Variants in SPSB1 observed in about 807,000 individuals in gnomAD.
SPSB1 encodes SPRY domain-containing SOCS box protein 1.
In SPSB1, 8 loss-of-function variants were observed where a neutral mutation model predicts 21.2. The observed-to-expected ratio is 0.38, with a 90% CI of 0.22 to 0.68. SPSB1 has a LOEUF of 0.68. Ranked by LOEUF, SPSB1 falls within the 30% of genes least tolerant of loss-of-function variation. The pLI is 0.53. For missense variants in SPSB1, 242 were observed against 377.8 expected (o/e 0.64, Z 2.98); for synonymous variants, 169 against 161.7 (o/e 1.05, Z -0.34).
Position 9,367,386 on chromosome 1 carries a change from T to TA in SPSB1, c.695-61dup, listed in dbSNP as rs1175961585. Reference sequence around the variant, plus strand: ...TCAGTGATAATATTGCTGCTGTGGTTAGCGCTGTTTGCTGAACACCCACCC... The same window carrying TA: ...TCAGTGATAATATTGCTGCTGTGGTTAAGCGCTGTTTGCTGAACACCCACCC... On this transcript the variant is annotated intron_variant, in intron 2 of 2. Transcript: ENST00000328089. This position sits in a 1 kb window ranked among gnomAD's most constrained non-coding sequence, Gnocchi z 5.9. 1 of 1,610,400 alleles carries TA rather than the reference T, an allele frequency of 6.2e-7. No individual in the cohort carries two copies. The highest frequency in any genetic ancestry group is 8.5e-7 in the Non-Finnish European group (1 of 1,179,284).
intron 1 of SPSB1, among the ~76,000 whole-genome samples, chr1:9,328,751 C>CT (rs1240217683): frequency 6.6e-6 from 1 of 152,234 alleles, no homozygotes; most frequent in African/African-American, 2.4e-5. Context: ...TACCCTGCGT[C>CT]TTTTCACCTG....
chr1:9,311,257 A>G (rs1349669944), intron 1 of SPSB1, among the ~76,000 whole-genome samples: 2 of 150,790 alleles, frequency 1.3e-5, no homozygotes, highest in Non-Finnish European at 2.9e-5. Context: ...TGAGAGAGCT[A>G]TGCCCAGACA....
intron 1 of SPSB1, among the ~76,000 whole-genome samples, chr1:9,316,968 C>T (rs1273672969): frequency 6.6e-6 from 1 of 152,002 alleles, no homozygotes; most frequent in Non-Finnish European, 1.5e-5. Context: ...GATCCCAGGC[C>T]CCGTAGCAGG....
chr1:9,301,848 G>A (rs1639334847), intron 1 of SPSB1, among the ~76,000 whole-genome samples: 3 of 152,234 alleles, frequency 2.0e-5, no homozygotes, highest in Non-Finnish European at 4.4e-5. Flanking sequence ...ACTGCACCTG[G>A]TGGAAGGCAC....
At chr1:9,349,743 G>A (rs1278424670) in intron 1 of SPSB1, among the ~76,000 whole-genome samples, 1 of 152,370 alleles carries the variant, frequency 6.6e-6, no homozygotes, top group South Asian at 2.1e-4. Flanking sequence ...GTGTGAGGAA[G>A]GTCCTTTCGG....
intron 1 of SPSB1, among the ~76,000 whole-genome samples, chr1:9,328,067 C>T (rs1213924675): frequency 2.6e-5 from 4 of 152,196 alleles, no homozygotes; most frequent in Admixed American, 6.5e-5. Flanking sequence ...TCAGAGAGTT[C>T]GCTTAGCTGG....
chr1:9,295,700 G>A (rs1317697720), intron 1 of SPSB1, among the ~76,000 whole-genome samples: 1 of 152,190 alleles, frequency 6.6e-6, no homozygotes, highest in African/African-American at 2.4e-5. Context: ...TGTGTGCCGT[G>A]CTCCCTTCCT....
chr1:9,294,196 CTG>C (rs1404784301), intron 1 of SPSB1, among the ~76,000 whole-genome samples: 1 of 151,098 alleles, frequency 6.6e-6, no homozygotes, highest in Non-Finnish European at 1.5e-5. Flanking sequence ...ATGTGTGTCT[CTG>C]TGTCTTTGTG....
At chr1:9,307,059 C>T (rs992844619) in intron 1 of SPSB1, among the ~76,000 whole-genome samples, 10 of 152,018 alleles carry the variant, frequency 6.6e-5, no homozygotes, top group African/African-American at 1.9e-4. Context: ...TCCTGGGTAG[C>T]TGGGATTACA....
In SPSB1 at chr1:9,346,547, G is replaced by A. The variant is rs947669949; in HGVS notation, c.-149-9196G>A. Reference sequence around the variant, plus strand: ...GTAATTTTTAGAGGAAGCAAGGCTCGGGAACAATTGATCTGAAAGCATTTT... The same window carrying A: ...GTAATTTTTAGAGGAAGCAAGGCTCAGGAACAATTGATCTGAAAGCATTTT... On this transcript the variant is annotated intron_variant, in intron 1 of 2. Transcript: ENST00000328089. This position sits in a 1 kb window ranked among gnomAD's most constrained non-coding sequence, Gnocchi z 4.4. 1.3e-5 allele frequency among the ~76,000 whole-genome samples: 2 copies of A among 152,300 alleles called. No individual in the cohort carries two copies. The highest frequency in any genetic ancestry group is 2.1e-4 in the South Asian group (1 of 4,816).
rs1188911150 is a variant in SPSB1, at chr1:9,321,070, T to A, written c.-150+27999T>A. On this transcript the variant is annotated intron_variant, in intron 1 of 2. Coordinates refer to ENST00000328089, the MANE Select transcript of SPSB1 (RefSeq NM_025106.4). This position sits in a 1 kb window ranked among gnomAD's most constrained non-coding sequence, Gnocchi z 4.8. ...AAGGCAGCCGTGTAATTACAGGTAC[T>A]GGAAATAGTCCTGTTTCCCTTTCAG... Among the ~76,000 whole-genome samples, 1 of 152,222 alleles carries A rather than the reference T, an allele frequency of 6.6e-6. No individual in the cohort carries two copies. The highest frequency in any genetic ancestry group is 1.5e-5 in the Non-Finnish European group (1 of 68,050).
intron 1 of SPSB1, among the ~76,000 whole-genome samples, chr1:9,314,434 G>T (rs1247087919): frequency 6.6e-6 from 1 of 151,866 alleles, no homozygotes; most frequent in Admixed American, 6.6e-5. Flanking sequence ...CCACTTGTGA[G>T]CATCTAGACC....
rs536373752 is a variant in SPSB1, at chr1:9,350,087, A to C, written c.-149-5656A>C. On this transcript the variant is annotated intron_variant, in intron 1 of 2. Coordinates refer to ENST00000328089, the MANE Select transcript of SPSB1 (RefSeq NM_025106.4). ...ACACACCACACACACAGATACATAC[A>C]CGCCTCACATATCTACACACACACA... 2.0e-5 allele frequency among the ~76,000 whole-genome samples: 3 copies of C among 151,388 alleles called. No homozygotes were observed. The South Asian group carries it at 6.3e-4, about 32-fold the overall frequency.
In SPSB1 at chr1:9,324,029, G is replaced by C. The variant is rs920417268; in HGVS notation, c.-150+30958G>C. 6.6e-5 allele frequency among the ~76,000 whole-genome samples: 10 copies of C among 152,154 alleles called. No homozygotes were observed. The highest frequency in any genetic ancestry group is 6.5e-5 in the Admixed American group (1 of 15,268). ...CAGCTGTCCTTGATGGCCCAAACTC[G>C]GGCCGCAGAACCCCTCCTCAGGCCA... On this transcript the variant is annotated intron_variant, in intron 1 of 2. Coordinates refer to ENST00000328089, the MANE Select transcript of SPSB1 (RefSeq NM_025106.4). This position sits in a 1 kb window ranked among gnomAD's most constrained non-coding sequence, Gnocchi z 4.3.
chr1:9,318,425 C>A (rs544085256), intron 1 of SPSB1, among the ~76,000 whole-genome samples: 217 of 152,328 alleles, frequency 1.4e-3, no homozygotes, highest in African/African-American at 4.9e-3. Context: ...GCGTCCTCTC[C>A]TATCGCCCAC....
chr1:9,325,935 A>G (rs540464498), intron 1 of SPSB1, among the ~76,000 whole-genome samples: 23 of 152,186 alleles, frequency 1.5e-4, no homozygotes, highest in African/African-American at 5.3e-4. Flanking sequence ...GGCAGGTACC[A>G]GGAACAGCCA....
intron 1 of SPSB1, among the ~76,000 whole-genome samples, chr1:9,312,014 G>A (rs1226161832): frequency 6.6e-6 from 1 of 152,072 alleles, no homozygotes; most frequent in Non-Finnish European, 1.5e-5. Context: ...GGCCCTGCCT[G>A]TCTCTGTCAC....
At chr1:9,328,573 C>T (rs1036769764) in intron 1 of SPSB1, among the ~76,000 whole-genome samples, 1 of 152,194 alleles carries the variant, frequency 6.6e-6, no homozygotes, top group South Asian at 2.1e-4. Context: ...GAGAGGTAAA[C>T]ATCTCGTTCG....
intron 1 of SPSB1, among the ~76,000 whole-genome samples, chr1:9,316,385 C>CACGTGTATTTATGTGTGT: frequency 6.6e-6 from 1 of 152,252 alleles, no homozygotes; most frequent in South Asian, 2.1e-4. Context: ...GGCATGTGTG[C>CACGTGTATTTATGTGTGT]ACGTGTATTT....
Sources: allele counts gnomAD v4.1 joint callset (sites outside exome capture counted in the v4.1 genomes callset), GRCh38; gene constraint gnomAD v4.1.1; non-coding constraint Gnocchi (gnomAD v3.1); transcripts MANE v1.5; gene names NCBI Gene and HGNC (gene_info 2026-07-23, HGNC 2026-07-21).